RAD51B: variants seen among roughly 807,000 people sequenced by gnomAD.
The protein encoded by RAD51B is DNA repair protein RAD51 homolog 2.
A neutral mutation model predicts 42.2 loss-of-function variants in RAD51B; 38 were observed. The ratio of observed to expected loss-of-function variants is 0.90; its 90% CI spans 0.70 to 1.18. RAD51B has a LOEUF of 1.18. Among genes scored for constraint, RAD51B ranks in the 50% most tolerant of loss-of-function variants. The pLI is 0.00. For missense variants in RAD51B, 373 were observed against 400.7 expected (o/e 0.93, Z 0.59); for synonymous variants, 154 against 145.2 (o/e 1.06, Z -0.43).
intron 7 of RAD51B, among the ~76,000 whole-genome samples, chr14:67,931,041 C>T (rs1474530351): frequency 6.6e-6 from 1 of 152,154 alleles, no homozygotes; most frequent in East Asian, 1.9e-4. Context: ...CTGCCTCAGC[C>T]TCCCAAGTAG....
exon 11 of RAD51B, chr14:68,594,778 G>T: frequency 4.0e-6 from 5 of 1,249,426 alleles, no homozygotes; most frequent in Non-Finnish European, 5.1e-6. Flanking sequence ...GGAGATGTGT[G>T]TAGGGCCACA....
At chr14:68,078,616 A>G (rs1201025474) in intron 7 of RAD51B, among the ~76,000 whole-genome samples, 1 of 152,184 alleles carries the variant, frequency 6.6e-6, no homozygotes, top group African/African-American at 2.4e-5. Flanking sequence ...TGAGAGACCA[A>G]CTTTAGCTAT....
At chr14:68,520,321 C>T (rs189436495) in intron 10 of RAD51B, among the ~76,000 whole-genome samples, 14 of 152,290 alleles carry the variant, frequency 9.2e-5, no homozygotes, top group Admixed American at 7.2e-4. Flanking sequence ...ACATGTAAAA[C>T]TTATGGGATT....
At chr14:67,852,353 A>G (rs1019364816) in intron 4 of RAD51B, among the ~76,000 whole-genome samples, 1 of 152,214 alleles carries the variant, frequency 6.6e-6, no homozygotes, top group Non-Finnish European at 1.5e-5. Context: ...AACAGCTGGC[A>G]CCAGGGAACT....
intron 5 of RAD51B, among the ~76,000 whole-genome samples, chr14:67,868,290 G>T (rs969326469): frequency 1.3e-5 from 2 of 152,168 alleles, no homozygotes; most frequent in Non-Finnish European, 2.9e-5. Context: ...AAGGGGTCAG[G>T]GAGTTCCCTT....
intron 7 of RAD51B, among the ~76,000 whole-genome samples, chr14:68,261,217 AC>A (rs2080882267): frequency 6.6e-6 from 1 of 152,326 alleles, no homozygotes; most frequent in Admixed American, 6.5e-5. Context: ...CGCAGTTTTT[AC>A]CGGCTTTCTC....
At chr14:68,399,255 T>G (rs10136830) in intron 8 of RAD51B, among the ~76,000 whole-genome samples, 9,906 of 138,578 alleles carry the variant, frequency 0.071, 1,175 homozygotes, top group African/African-American at 0.26. Context: ...TGATTTTTTT[T>G]TGTGTTTTTT....
At chr14:67,855,980 AT>A (rs1331696159) in intron 4 of RAD51B, among the ~76,000 whole-genome samples, 1 of 152,232 alleles carries the variant, frequency 6.6e-6, no homozygotes, top group Non-Finnish European at 1.5e-5. Flanking sequence ...ATTGTTCCCA[AT>A]TCTTCACTTA....
At chr14:68,025,608 T>A (rs1474637868) in intron 7 of RAD51B, among the ~76,000 whole-genome samples, 2 of 151,710 alleles carry the variant, frequency 1.3e-5, no homozygotes, top group Admixed American at 6.6e-5. Context: ...CTTGGGAGAC[T>A]GTGTGTTTCC....
chr14:68,466,453 A>C (rs34256824), intron 9 of RAD51B, among the ~76,000 whole-genome samples: 23,900 of 152,234 alleles, frequency 0.16, 2,477 homozygotes, highest in Non-Finnish European at 0.23. Context: ...TTCAGGCTGC[A>C]CTGTAGCATC....
chr14:68,484,689 T>C (rs1422052977), intron 10 of RAD51B, among the ~76,000 whole-genome samples: 2 of 152,268 alleles, frequency 1.3e-5, no homozygotes, highest in Admixed American at 6.5e-5. Flanking sequence ...AAGAGGAGTC[T>C]CAATTATCTC....
chr14:68,175,134 C>A (rs2078940037), intron 7 of RAD51B, among the ~76,000 whole-genome samples: 3 of 152,192 alleles, frequency 2.0e-5, no homozygotes, highest in Admixed American at 2.0e-4. Context: ...GTACCACATT[C>A]TTCCCCATGG....
intron 7 of RAD51B, among the ~76,000 whole-genome samples, chr14:68,196,408 T>C (rs1420619436): frequency 6.6e-6 from 1 of 152,124 alleles, no homozygotes; most frequent in Non-Finnish European, 1.5e-5. Flanking sequence ...GAAATCATTG[T>C]ATGGCCTACA....
chr14:68,330,735 A>G (rs1474679125), intron 8 of RAD51B, among the ~76,000 whole-genome samples: 1 of 152,240 alleles, frequency 6.6e-6, no homozygotes, highest in Non-Finnish European at 1.5e-5. Flanking sequence ...TAAAGTAATA[A>G]TAAAATATAG....
rs375394056 is a variant in RAD51B at position 67,845,087 on chromosome 14, A to G, written c.315+9891A>G. On this transcript the variant is annotated intron_variant, in intron 4 of 10. Transcript: ENST00000471583. ...CCACTCTGTGCCTTATAATTGGGGC[A>G]TTTAGCTTGTTTACATTCAACGTTA... Among the ~76,000 whole-genome samples, 23 of 152,266 alleles carry G rather than the reference A, an allele frequency of 1.5e-4. No individual in the cohort carries two copies. In the East Asian group the frequency reaches 4.4e-3, roughly 29 times the overall value.
chr14:68,187,077 CATT>C (rs2079173348), intron 7 of RAD51B, among the ~76,000 whole-genome samples: 1 of 152,136 alleles, frequency 6.6e-6, no homozygotes, highest in Non-Finnish European at 1.5e-5. Flanking sequence ...AGCTGGAGGC[CATT>C]ATCCTAAGTG....
Position 68,358,750 on chromosome 14 carries a change from T to C in RAD51B, c.854-52674T>C, listed in dbSNP as rs1019134162. 2.6e-5 allele frequency among the ~76,000 whole-genome samples: 4 copies of C among 152,216 alleles called. No homozygotes were observed. In the East Asian group the frequency reaches 7.7e-4, roughly 29 times the overall value. On this transcript the variant is annotated intron_variant, in intron 8 of 10. Transcript: ENST00000471583. Reference sequence around the variant, plus strand: ...TCCATGGAATGTAGGATCTGGACTGTAAATTATTCTTCAGTCAGATCGTGT... The same window carrying C: ...TCCATGGAATGTAGGATCTGGACTGCAAATTATTCTTCAGTCAGATCGTGT...
At chr14:68,354,493 G>A (rs919480923) in intron 8 of RAD51B, among the ~76,000 whole-genome samples, 4 of 151,998 alleles carry the variant, frequency 2.6e-5, no homozygotes, top group African/African-American at 4.8e-5. Context: ...GATTACAGGC[G>A]TGAGCCACCG....
chr14:67,829,248 C>CT (rs530340727), intron 3 of RAD51B, among the ~76,000 whole-genome samples: 14,644 of 144,792 alleles, frequency 0.1, 975 homozygotes, highest in Middle Eastern at 0.24. Flanking sequence ...TTCTTTCTTT[C>CT]TTTTTTTTTT....
Sources: allele counts gnomAD v4.1 joint callset (sites outside exome capture counted in the v4.1 genomes callset), GRCh38; gene constraint gnomAD v4.1.1; transcripts MANE v1.5; gene names NCBI Gene and HGNC (gene_info 2026-07-23, HGNC 2026-07-21).